The following PHLDB2 variants were observed in gnomAD, a reference collection of about 807,000 sequenced individuals.
PHLDB2 encodes the protein pleckstrin homology like domain family B member 2, also known as pleckstrin homology-like domain family B member 2.
A neutral mutation model predicts 123.6 loss-of-function variants in PHLDB2; 71 were observed. That is an observed-to-expected ratio of 0.57 (90% confidence interval 0.47 to 0.70). The LOEUF (loss-of-function observed/expected upper bound fraction) is 0.70, where lower values mean the gene tolerates loss of function less well. Ranked by LOEUF, PHLDB2 falls within the 30% of genes least tolerant of loss-of-function variation. PHLDB2 has a pLI of 0.00. For synonymous variants in PHLDB2, 547 were observed against 541.6 expected, an observed-to-expected ratio of 1.01 and a Z score of -0.14; for missense variants, 1,446 against 1,519.5, an observed-to-expected ratio of 0.95 and a Z score of 0.80.
At chr3:111,760,355 A>G (rs545612693) in intron 1 of PHLDB2, among the ~76,000 whole-genome samples, 22 of 152,304 alleles carry the variant, frequency 1.4e-4, no homozygotes, top group African/African-American at 5.3e-4. Flanking sequence ...CTTAGTTTCA[A>G]TGCATCTTTG....
At chr3:111,848,308 C>T (rs1021335390) in intron 2 of PHLDB2, among the ~76,000 whole-genome samples, 7 of 152,186 alleles carry the variant, frequency 4.6e-5, no homozygotes, top group Admixed American at 1.3e-4. Context: ...GGTTACCCCC[C>T]GCCACCTGCC....
chr3:111,903,398 A>C (rs1236562520), intron 2 of PHLDB2, among the ~76,000 whole-genome samples: 1 of 152,154 alleles, frequency 6.6e-6, no homozygotes. Flanking sequence ...CTTTCTCCCC[A>C]GGTTACTATG....
At chr3:111,837,239 A>G (rs1463629313) in intron 1 of PHLDB2, among the ~76,000 whole-genome samples, 2 of 152,208 alleles carry the variant, frequency 1.3e-5, no homozygotes, top group South Asian at 2.1e-4. Flanking sequence ...AAAAATATCT[A>G]AAGTTTAGGA....
At chr3:111,800,914 G>A (rs2061351766) in intron 1 of PHLDB2, among the ~76,000 whole-genome samples, 1 of 152,106 alleles carries the variant, frequency 6.6e-6, no homozygotes, top group Admixed American at 6.5e-5. Flanking sequence ...GATAAATCTT[G>A]AAAAGATGAA....
intron 4 of PHLDB2, among the ~76,000 whole-genome samples, chr3:111,919,970 G>A (rs953395138): frequency 1.1e-4 from 16 of 152,134 alleles, no homozygotes; most frequent in African/African-American, 3.9e-4. Flanking sequence ...CTCCCATGGT[G>A]GTTTGTGCTT....
At chr3:111,895,078 A>G (rs2066747991) in intron 2 of PHLDB2, among the ~76,000 whole-genome samples, 1 of 151,904 alleles carries the variant, frequency 6.6e-6, no homozygotes, top group African/African-American at 2.4e-5. Context: ...CGGTTGTCAT[A>G]CCTTTTTTCT....
chr3:111,820,636 A>G (rs2062327100), intron 1 of PHLDB2, among the ~76,000 whole-genome samples: 1 of 152,222 alleles, frequency 6.6e-6, no homozygotes, highest in Non-Finnish European at 1.5e-5. Flanking sequence ...ATCTAAATGT[A>G]TGTACCTTTG....
intron 1 of PHLDB2, among the ~76,000 whole-genome samples, chr3:111,831,351 A>C (rs571842503): frequency 6.6e-6 from 1 of 152,330 alleles, no homozygotes; most frequent in South Asian, 2.1e-4. Context: ...GATAATGTTT[A>C]TTTAATAAAA....
chr3:111,840,412 A>G (rs2063630018), intron 1 of PHLDB2, among the ~76,000 whole-genome samples: 1 of 152,048 alleles, frequency 6.6e-6, no homozygotes. Context: ...AATAAATCCT[A>G]CCTGGTCATG....
At chr3:111,880,206 T>A (rs1265922767) in intron 1 of PHLDB2, among the ~76,000 whole-genome samples, 1 of 152,068 alleles carries the variant, frequency 6.6e-6, no homozygotes, top group African/African-American at 2.4e-5. Context: ...TTTCTCCCTA[T>A]CAGCGTTCTC....
chr3:111,834,626 C>T (rs2063318449), intron 1 of PHLDB2, among the ~76,000 whole-genome samples: 1 of 151,904 alleles, frequency 6.6e-6, no homozygotes, highest in Non-Finnish European at 1.5e-5. Flanking sequence ...CTCTTGCCCT[C>T]ATTTCTTTAT....
At chr3:111,922,277 A>G (rs76992092) in intron 5 of PHLDB2, among the ~76,000 whole-genome samples, 4,238 of 152,262 alleles carry the variant, frequency 0.028, 126 homozygotes, top group South Asian at 0.12. Flanking sequence ...TGTATTTCTC[A>G]TTAATATCAG....
chr3:111,845,588 G>A (rs976958633), intron 1 of PHLDB2, among the ~76,000 whole-genome samples: 1 of 152,126 alleles, frequency 6.6e-6, no homozygotes, highest in Admixed American at 6.5e-5. Context: ...CTAGATAAAA[G>A]TGTGCTTTTG....
chr3:111,780,085 G>A (rs567407896), intron 1 of PHLDB2, among the ~76,000 whole-genome samples: 1 of 151,550 alleles, frequency 6.6e-6, no homozygotes, highest in South Asian at 2.1e-4. Context: ...TATTAGAAAG[G>A]CTAAAGTATA....
At chr3:111,967,893 T>A (rs963549822) in intron 15 of PHLDB2, 69 bp downstream of exon 15, 18 of 1,412,232 alleles carry the variant, frequency 1.3e-5, no homozygotes, top group Non-Finnish European at 1.5e-5. Context: ...AGACAGCTGT[T>A]CTGTGTCTGA....
intron 1 of PHLDB2, among the ~76,000 whole-genome samples, chr3:111,803,872 A>C (rs2061471290): frequency 6.6e-6 from 1 of 152,200 alleles, no homozygotes; most frequent in Non-Finnish European, 1.5e-5. Flanking sequence ...TCTATTCCAA[A>C]GCTAATGACT....
chr3:111,908,216 A>T (rs1282955), intron 2 of PHLDB2, among the ~76,000 whole-genome samples: 58,971 of 151,928 alleles, frequency 0.39, 11,914 homozygotes, highest in East Asian at 0.71. Flanking sequence ...TGACATAGAT[A>T]ATCTCCCAGA....
chr3:111,742,773 G>A (rs900218819), intron 1 of PHLDB2, among the ~76,000 whole-genome samples: 13 of 152,076 alleles, frequency 8.5e-5, no homozygotes, highest in Admixed American at 3.3e-4. Context: ...ATAAACATAC[G>A]TGTGCATGTG....
At chr3:111,738,168 ACGTGAC>A (rs1234452135) in intron 1 of PHLDB2, among the ~76,000 whole-genome samples, 1 of 152,186 alleles carries the variant, frequency 6.6e-6, no homozygotes, top group African/African-American at 2.4e-5. Context: ...ACTTCCCAGA[ACGTGAC>A]TGTTCTCTAC....
Sources: allele counts gnomAD v4.1 joint callset (sites outside exome capture counted in the v4.1 genomes callset), GRCh38; gene constraint gnomAD v4.1.1; transcripts MANE v1.5; gene names NCBI Gene and HGNC (gene_info 2026-07-23, HGNC 2026-07-21).